DLGAP1: variants seen among roughly 807,000 people sequenced by gnomAD.
DLGAP1 encodes the protein DLG associated protein 1, also known as disks large-associated protein 1.
A neutral mutation model predicts 90.8 loss-of-function variants in DLGAP1; 11 were observed. The observed-to-expected ratio is 0.12, with a 90% CI of 0.08 to 0.20. DLGAP1 has a LOEUF of 0.20. Among genes scored for constraint, DLGAP1 ranks in the 10% least tolerant of loss-of-function variants. The probability of loss-of-function intolerance (pLI) is 1.00; values close to 1 mark genes in which losing one functional copy is unlikely to be tolerated. For missense variants in DLGAP1, 1,050 were observed against 1,333.8 expected, an observed-to-expected ratio of 0.79 and a Z score of 3.31; for synonymous variants, 558 against 540.7, an observed-to-expected ratio of 1.03 and a Z score of -0.44.
chr18:3,988,115 G>T (rs2073879994), intron 3 of DLGAP1, among the ~76,000 whole-genome samples: 1 of 151,820 alleles, frequency 6.6e-6, no homozygotes, highest in African/African-American at 2.4e-5. Flanking sequence ...GTCCCATCTG[G>T]GGGTGATGGG....
chr18:4,166,913 G>A (rs575455485), intron 1 of DLGAP1, among the ~76,000 whole-genome samples: 2 of 152,210 alleles, frequency 1.3e-5, no homozygotes, highest in African/African-American at 4.8e-5. Flanking sequence ...TGGATACAGA[G>A]TTTCAGTTTG....
intron 1 of DLGAP1, among the ~76,000 whole-genome samples, chr18:4,448,196 C>A (rs2083715012): frequency 6.6e-6 from 1 of 152,092 alleles, no homozygotes; most frequent in South Asian, 2.1e-4. Flanking sequence ...TCTGTTGAGC[C>A]CCTACTCCTA....
At chr18:3,518,015 T>C (rs1340899390) in intron 10 of DLGAP1, among the ~76,000 whole-genome samples, 2 of 152,222 alleles carry the variant, frequency 1.3e-5, no homozygotes, top group African/African-American at 4.8e-5. Flanking sequence ...TTTTCCTTTG[T>C]ATTCACAACT....
At chr18:4,191,202 A>G (rs1382740208) in intron 1 of DLGAP1, among the ~76,000 whole-genome samples, 3 of 152,140 alleles carry the variant, frequency 2.0e-5, no homozygotes, top group African/African-American at 7.2e-5. Flanking sequence ...TTTTCTCTTC[A>G]GGTTTACATT....
At chr18:4,326,441 G>A (rs764272655) in intron 1 of DLGAP1, among the ~76,000 whole-genome samples, 15 of 152,140 alleles carry the variant, frequency 9.9e-5, no homozygotes, top group Non-Finnish European at 1.9e-4. Context: ...GGCATATCCT[G>A]AAAGAACTGA....
chr18:4,293,904 GT>G (rs2079910092), intron 1 of DLGAP1: 1 of 152,090 alleles, frequency 6.6e-6, no homozygotes, highest in Non-Finnish European at 1.5e-5. Flanking sequence ...TTTAATCCAT[GT>G]TTAGACTTTC....
intron 3 of DLGAP1, chr18:3,896,618 C>T (rs117683978): frequency 2.0e-5 from 3 of 152,320 alleles, no homozygotes; most frequent in South Asian, 2.1e-4. Flanking sequence ...AGACTCAGAA[C>T]ATGGTACCCC....
chr18:3,537,478 T>G (rs2052443127), intron 9 of DLGAP1, among the ~76,000 whole-genome samples: 1 of 152,252 alleles, frequency 6.6e-6, no homozygotes, highest in Non-Finnish European at 1.5e-5. Context: ...TCCCATTGTA[T>G]GTATTTACCA....
chr18:3,547,227 C>G (rs1249075168), intron 9 of DLGAP1, among the ~76,000 whole-genome samples: 5 of 141,042 alleles, frequency 3.5e-5, no homozygotes, highest in Admixed American at 7.8e-5. Flanking sequence ...CTTGAACCCC[C>G]GGGGGCGGAG....
chr18:3,993,902 T>C (rs4797135), intron 3 of DLGAP1, among the ~76,000 whole-genome samples: 1 of 152,040 alleles, frequency 6.6e-6, no homozygotes, highest in Non-Finnish European at 1.5e-5. Context: ...GAGCAGAAAA[T>C]ATATATGAGA....
intron 7 of DLGAP1, among the ~76,000 whole-genome samples, chr18:3,694,040 C>A (rs1812150): frequency 5.3e-5 from 6 of 112,820 alleles, no homozygotes; most frequent in Admixed American, 8.4e-5. Context: ...AGCCACCCCC[C>A]CCTCAGCCCC....
chr18:4,222,402 G>A (rs2078095547), intron 1 of DLGAP1, among the ~76,000 whole-genome samples: 1 of 152,058 alleles, frequency 6.6e-6, no homozygotes, highest in Non-Finnish European at 1.5e-5. Context: ...GATATACAAG[G>A]CACCAAAATT....
At chr18:3,804,652 G>T (rs1342053980) in intron 5 of DLGAP1, among the ~76,000 whole-genome samples, 1 of 152,194 alleles carries the variant, frequency 6.6e-6, no homozygotes, top group Non-Finnish European at 1.5e-5. Flanking sequence ...AAAGGATGCT[G>T]GGCAGATGTT....
chr18:3,861,634 C>T (rs1484480951), intron 4 of DLGAP1, among the ~76,000 whole-genome samples: 1 of 152,182 alleles, frequency 6.6e-6, no homozygotes, highest in Middle Eastern at 3.2e-3. Context: ...TGACTTTCTG[C>T]CCAGTGCCCC....
At chr18:3,707,076 G>C (rs1452579953) in intron 7 of DLGAP1, among the ~76,000 whole-genome samples, 1 of 151,922 alleles carries the variant, frequency 6.6e-6, no homozygotes, top group African/African-American at 2.4e-5. Context: ...GGTTGTTAAG[G>C]GACTGATTAA....
At chr18:4,107,128 A>C (rs1326898500) in intron 2 of DLGAP1, among the ~76,000 whole-genome samples, 1 of 152,246 alleles carries the variant, frequency 6.6e-6, no homozygotes, top group East Asian at 1.9e-4. Flanking sequence ...GCTAAAACAC[A>C]GCGCCGCTGG....
At chr18:3,675,306 C>T (rs1375533643) in intron 7 of DLGAP1, among the ~76,000 whole-genome samples, 1 of 152,096 alleles carries the variant, frequency 6.6e-6, no homozygotes, top group Admixed American at 6.5e-5. Context: ...AACCCCTGAC[C>T]TCAGGTAATC....
At chr18:3,885,397 C>G (rs530935978) in intron 3 of DLGAP1, 1 of 152,302 alleles carries the variant, frequency 6.6e-6, no homozygotes, top group East Asian at 1.9e-4. Context: ...ATTGTGAGAG[C>G]CATGTCATAA....
intron 3 of DLGAP1, among the ~76,000 whole-genome samples, chr18:3,963,191 T>C (rs1354995682): frequency 6.6e-6 from 1 of 152,196 alleles, no homozygotes; most frequent in Non-Finnish European, 1.5e-5. Context: ...CCTCTCTTGT[T>C]ACAGTCCTCA....
Sources: gnomAD v4.1 joint callset for allele counts (sites outside exome capture counted in the v4.1 genomes callset) on GRCh38, gnomAD v4.1.1 for gene constraint, MANE v1.5 for transcripts, NCBI Gene and HGNC (gene_info 2026-07-23, HGNC 2026-07-21) for gene names.